Variants in RP1 observed in about 807,000 individuals in gnomAD.
The protein encoded by RP1 is oxygen-regulated protein 1.
Under a neutral mutation model 14.8 loss-of-function variants are expected in RP1, and 16 were observed. That is an observed-to-expected ratio of 1.08 (90% CI 0.73 to 1.65). The LOEUF is 1.65. Among genes scored for constraint, RP1 ranks in the 40% most tolerant of loss-of-function variants. The pLI is 0.00. For synonymous variants in RP1, 876 were observed against 883.6 expected, an observed-to-expected ratio of 0.99 and a Z score of 0.15; for missense variants, 2,631 against 2,535.0, an observed-to-expected ratio of 1.04 and a Z score of -0.81.
intron 23 of RP1, among the ~76,000 whole-genome samples, chr8:54,778,571 C>T (rs1311336919): frequency 2.0e-5 from 3 of 152,140 alleles, no homozygotes; most frequent in Non-Finnish European, 4.4e-5. Context: ...GATCCGCCCA[C>T]CTCGGCCTCC....
At chr8:54,756,179 T>A (rs551208930) in intron 21 of RP1, among the ~76,000 whole-genome samples, 23 of 152,348 alleles carry the variant, frequency 1.5e-4, no homozygotes, top group African/African-American at 5.3e-4. Context: ...CTATAAAACA[T>A]TTTGAATGGG....
intron 2 of RP1, 22 bp downstream of exon 2, chr8:54,621,603 C>G: frequency 6.2e-7 from 1 of 1,613,816 alleles, no homozygotes; most frequent in Non-Finnish European, 8.5e-7. Flanking sequence ...GGGGGCTCCT[C>G]GAGCCTGAGC....
At chr8:54,680,429 G>A (rs1807398885) in intron 12 of RP1, among the ~76,000 whole-genome samples, 1 of 152,114 alleles carries the variant, frequency 6.6e-6, no homozygotes, top group Non-Finnish European at 1.5e-5. Context: ...ACGGATGATG[G>A]TAGATGTTTG....
intron 15 of RP1, among the ~76,000 whole-genome samples, chr8:54,715,765 T>G (rs1808389716): frequency 6.6e-6 from 1 of 152,128 alleles, no homozygotes; most frequent in Non-Finnish European, 1.5e-5. Context: ...AAAAGAAATT[T>G]AGAGTTAACA....
intron 1 of RP1, among the ~76,000 whole-genome samples, chr8:54,566,383 T>C (rs1297139592): frequency 6.6e-6 from 1 of 152,106 alleles, no homozygotes. Flanking sequence ...TTGGTGAAAG[T>C]TAAAGTTTAA....
At chr8:54,774,764 A>C (rs1809993312), downstream of RP1, among the ~76,000 whole-genome samples, 1 of 152,196 alleles carries the variant, frequency 6.6e-6, no homozygotes, top group South Asian at 2.1e-4. Flanking sequence ...ACAGTAATAA[A>C]ATACACTCAG....
chr8:54,785,283 G>A lies in RP1; in HGVS notation c.3615+1573G>A, dbSNP rs533626615. ...CATGCAACATGGAGTATTTTTGTCT[G>A]ACTTGTTTTACGTAGCATAAAGAAT... On this transcript the variant is annotated intron_variant, in intron 24 of 28. Coordinates refer to the RP1 transcript ENST00000637698. 2.0e-5 allele frequency among the ~76,000 whole-genome samples: 3 copies of A among 152,194 alleles called. No individual in the cohort carries two copies. In the South Asian group the frequency reaches 6.2e-4, roughly 32 times the overall value.
At chr8:54,584,155 T>G (rs530818291) in intron 1 of RP1, among the ~76,000 whole-genome samples, 1 of 152,376 alleles carries the variant, frequency 6.6e-6, no homozygotes, top group East Asian at 1.9e-4. Flanking sequence ...TAAATTTCCC[T>G]CTGCACACTG....
intron 13 of RP1, among the ~76,000 whole-genome samples, chr8:54,699,970 A>G (rs1226273886): frequency 6.6e-6 from 1 of 152,184 alleles, no homozygotes; most frequent in Non-Finnish European, 1.5e-5. Context: ...AAAATAATAC[A>G]TTGTACGATA....
chr8:54,754,723 C>A, intron 19 of RP1: 2 of 1,379,124 alleles, frequency 1.5e-6, no homozygotes, highest in Middle Eastern at 3.7e-4. Flanking sequence ...CTTTTGAAAT[C>A]CCTGGGATGC....
At chr8:54,735,522 G>C (rs898165589) in intron 18 of RP1, among the ~76,000 whole-genome samples, 2 of 152,156 alleles carry the variant, frequency 1.3e-5, no homozygotes, top group Non-Finnish European at 2.9e-5. Flanking sequence ...GAGAATGATT[G>C]AGGACAACTC....
chr8:54,633,003 G>A (rs1008162056), downstream of RP1, among the ~76,000 whole-genome samples: 1 of 152,058 alleles, frequency 6.6e-6, no homozygotes, highest in Non-Finnish European at 1.5e-5. Context: ...CCACCAGATG[G>A]CAGCTGTGCT....
intron 6 of RP1, among the ~76,000 whole-genome samples, chr8:54,660,017 T>C (rs1806850689): frequency 6.6e-6 from 1 of 152,172 alleles, no homozygotes; most frequent in Non-Finnish European, 1.5e-5. Context: ...TGTATTATTC[T>C]TTGTTAGTAT....
chr8:54,793,620 T>A (rs1810518824), intron 24 of RP1, among the ~76,000 whole-genome samples: 1 of 151,878 alleles, frequency 6.6e-6, no homozygotes, highest in South Asian at 2.1e-4. Flanking sequence ...TTTGACAAAT[T>A]TCAACATGGT....
chr8:54,703,620 A>G (rs1051037904), intron 14 of RP1, among the ~76,000 whole-genome samples: 1 of 152,198 alleles, frequency 6.6e-6, no homozygotes, highest in African/African-American at 2.4e-5. Flanking sequence ...TTAGCCCTTA[A>G]CAAGAGAGTC....
intron 13 of RP1, among the ~76,000 whole-genome samples, chr8:54,699,805 A>G (rs935123408): frequency 1.3e-5 from 2 of 152,172 alleles, no homozygotes; most frequent in African/African-American, 4.8e-5. Flanking sequence ...CAAAATTTTA[A>G]TGAGCTTTCA....
At chr8:54,789,939 A>G (rs528036842) in intron 24 of RP1, among the ~76,000 whole-genome samples, 2 of 152,330 alleles carry the variant, frequency 1.3e-5, no homozygotes, top group East Asian at 1.9e-4. Context: ...CTCAGCCTGC[A>G]TGAATGTGGA....
chr8:54,594,331 G>T (rs1483375350), intron 1 of RP1, among the ~76,000 whole-genome samples: 1 of 152,160 alleles, frequency 6.6e-6, no homozygotes, highest in African/African-American at 2.4e-5. Flanking sequence ...TTGGTCTGAG[G>T]CTGGCAAGGA....
chr8:54,716,670 C>T (rs963118263), intron 15 of RP1, among the ~76,000 whole-genome samples: 2 of 152,198 alleles, frequency 1.3e-5, no homozygotes, highest in Non-Finnish European at 2.9e-5. Flanking sequence ...GATCTCCAGT[C>T]CTCTCAATAA....
Sources: gnomAD v4.1 joint callset for allele counts (sites outside exome capture counted in the v4.1 genomes callset) on GRCh38, gnomAD v4.1.1 for gene constraint, MANE v1.5 for transcripts, NCBI Gene and HGNC (gene_info 2026-07-23, HGNC 2026-07-21) for gene names.